The following EYA2 variants were observed in gnomAD, a reference collection of about 807,000 sequenced individuals.
EYA2 encodes EYA transcriptional coactivator and phosphatase 2.
Under a neutral mutation model 69.2 loss-of-function variants are expected in EYA2, and 31 were observed. The observed-to-expected ratio is 0.45, with a 90% confidence interval of 0.34 to 0.60. The LOEUF is 0.60. Ranked by LOEUF, EYA2 falls within the 20% of genes least tolerant of loss-of-function variation. The pLI is 0.02. For synonymous variants in EYA2, 257 were observed against 279.4 expected, an observed-to-expected ratio of 0.92 and a Z score of 0.80; for missense variants, 622 against 701.2, an observed-to-expected ratio of 0.89 and a Z score of 1.28.
chr20:47,020,174 G>T (rs945470610), intron 5 of EYA2, among the ~76,000 whole-genome samples: 4 of 152,004 alleles, frequency 2.6e-5, no homozygotes, highest in Non-Finnish European at 5.9e-5. Context: ...AGCAAAAAAG[G>T]ATGCTCTTGG....
chr20:47,139,997 C>T (rs1348918677), intron 9 of EYA2, among the ~76,000 whole-genome samples: 1 of 152,160 alleles, frequency 6.6e-6, no homozygotes, highest in Non-Finnish European at 1.5e-5. Flanking sequence ...GCAATAATTA[C>T]TTTTCCTTCT....
intron 5 of EYA2, among the ~76,000 whole-genome samples, chr20:47,048,999 C>T (rs1403986030): frequency 6.6e-6 from 1 of 152,122 alleles, no homozygotes; most frequent in Non-Finnish European, 1.5e-5. Flanking sequence ...TCACAATGGC[C>T]CTGGAAGATG....
chr20:47,016,995 G>A (rs1317297606), intron 5 of EYA2, among the ~76,000 whole-genome samples: 3 of 152,204 alleles, frequency 2.0e-5, no homozygotes, highest in African/African-American at 4.8e-5. Flanking sequence ...TGTTATTCCA[G>A]GCAGGAGGAT....
intron 5 of EYA2, among the ~76,000 whole-genome samples, chr20:47,039,138 CA>C (rs1166522414): frequency 6.6e-6 from 1 of 152,034 alleles, no homozygotes; most frequent in African/African-American, 2.4e-5. Context: ...CACACGCGCG[CA>C]CAATTCTATA....
At chr20:47,111,027 G>C (rs1239048529) in intron 9 of EYA2, among the ~76,000 whole-genome samples, 1 of 152,220 alleles carries the variant, frequency 6.6e-6, no homozygotes, top group Non-Finnish European at 1.5e-5. Context: ...GTTTGGCTGG[G>C]TATAGAATTT....
At chr20:46,914,183 T>C (rs1008989269) in intron 1 of EYA2, among the ~76,000 whole-genome samples, 8 of 152,222 alleles carry the variant, frequency 5.3e-5, no homozygotes, top group Non-Finnish European at 8.8e-5. Flanking sequence ...GCTCAGTGGA[T>C]CTGTCACCCA....
chr20:47,055,028 A>G (rs1233133993), intron 5 of EYA2, among the ~76,000 whole-genome samples: 1 of 152,102 alleles, frequency 6.6e-6, no homozygotes, highest in East Asian at 1.9e-4. Context: ...GGTGGCGAAG[A>G]GGCTGCAGCA....
At chr20:46,966,392 C>T (rs1979783409) in intron 1 of EYA2, among the ~76,000 whole-genome samples, 1 of 152,208 alleles carries the variant, frequency 6.6e-6, no homozygotes, top group South Asian at 2.1e-4. Context: ...TAGCTACAGC[C>T]TCTGTTCTCA....
intron 15 of EYA2, among the ~76,000 whole-genome samples, chr20:47,183,902 C>G (rs1348607367): frequency 6.6e-6 from 1 of 152,174 alleles, no homozygotes. Context: ...AACAGCGCCC[C>G]AGAGAGGCTG....
intron 5 of EYA2, among the ~76,000 whole-genome samples, chr20:47,036,564 C>A (rs1486659025): frequency 6.6e-6 from 1 of 152,196 alleles, no homozygotes; most frequent in African/African-American, 2.4e-5. Flanking sequence ...TTTTTAACTT[C>A]TTCCACTTGC....
chr20:47,039,835 CT>C lies in EYA2; in HGVS notation c.415+23561del, dbSNP rs10689930. Among the ~76,000 whole-genome samples, 1,116 of 69,684 alleles carry C rather than the reference CT, an allele frequency of 0.016. 30 individuals carry two copies. The East Asian group carries it at 0.17, about 11-fold the overall frequency. The allele number at this position is 69,684 out of a possible 152,430, so 45.7% of individuals were successfully genotyped here. On this transcript the variant is annotated intron_variant, in intron 5 of 15. Coordinates refer to ENST00000327619, the MANE Select transcript of EYA2 (RefSeq NM_005244.5). ...ATAGGGTCATTGTGAAGATCAAATA[CT>C]TTTTTTTTTTTTTTTTTTTTTTGAG...
chr20:47,166,289 A>G (rs2034183936), intron 10 of EYA2, among the ~76,000 whole-genome samples: 1 of 149,380 alleles, frequency 6.7e-6, no homozygotes, highest in Non-Finnish European at 1.5e-5. Flanking sequence ...AGTCCCAACT[A>G]CTCGAGAGGC....
Position 47,058,101 on chromosome 20 carries a change from G to A in EYA2, c.416-14084G>A, listed in dbSNP as rs758210542. 3.8e-5 allele frequency among the ~76,000 whole-genome samples: 4 copies of A among 105,728 alleles called. No individual in the cohort carries two copies. In the East Asian group the frequency reaches 1.2e-3, roughly 31 times the overall value. 69.4% of individuals were successfully genotyped at this position (105,728 alleles called of 152,430 possible). On this transcript the variant is annotated intron_variant, in intron 5 of 15. Coordinates refer to ENST00000327619, the MANE Select transcript of EYA2 (RefSeq NM_005244.5). ...CAAGGGCTTGGATTAAGTTAATACC[G>A]GGTTTGGCCCAGGAAAAGGAGGAAG...
intron 1 of EYA2, among the ~76,000 whole-genome samples, chr20:46,971,108 T>G (rs993229133): frequency 1.6e-5 from 2 of 126,294 alleles, no homozygotes. Flanking sequence ...CACACACACA[T>G]GCACACACAC....
At chr20:47,160,984 G>A (rs1043966181) in intron 10 of EYA2, 5 of 293,268 alleles carry the variant, frequency 1.7e-5, no homozygotes, top group Non-Finnish European at 2.6e-5. Context: ...GTTGGGGGTC[G>A]GGTAGCTGTA....
At chr20:47,117,776 TTTCCTTTTC>T (rs1211125748) in intron 9 of EYA2, 1 of 826,104 alleles carries the variant, frequency 1.2e-6, no homozygotes, top group Admixed American at 6.2e-5. Flanking sequence ...CCACAGATTC[TTTCCTTTTC>T]TTCCTTTTCC....
intron 5 of EYA2, among the ~76,000 whole-genome samples, chr20:47,024,058 C>G (rs1983937777): frequency 6.6e-6 from 1 of 152,168 alleles, no homozygotes; most frequent in Non-Finnish European, 1.5e-5. Context: ...TCTATCATTC[C>G]TGTCATTTCT....
chr20:46,979,191 C>T lies in EYA2; in HGVS notation c.-10-10810C>T, dbSNP rs1049009151. 2.6e-5 allele frequency among the ~76,000 whole-genome samples: 4 copies of T among 152,332 alleles called. No homozygotes were observed. In the East Asian group the frequency reaches 5.8e-4, roughly 22 times the overall value. On this transcript the variant is annotated intron_variant, in intron 1 of 15. Transcript: ENST00000327619. ...GGGTGTGGAAAGGTGAGCGGCCCAC[C>T]CGCCTGGGACCCTCCATCTGCTTTT...
At chr20:47,148,953 T>A (rs763887502) in intron 10 of EYA2, among the ~76,000 whole-genome samples, 1 of 151,978 alleles carries the variant, frequency 6.6e-6, no homozygotes, top group Non-Finnish European at 1.5e-5. Context: ...ACTTCTGGGC[T>A]CGGATGCAGC....
Sources: allele counts gnomAD v4.1 joint callset (sites outside exome capture counted in the v4.1 genomes callset), GRCh38; gene constraint gnomAD v4.1.1; transcripts MANE v1.5; gene names NCBI Gene and HGNC (gene_info 2026-07-23, HGNC 2026-07-21).